USP10: variants seen among roughly 807,000 people sequenced by gnomAD.
USP10 encodes the protein ubiquitin specific peptidase 10.
Under a neutral mutation model 84.5 loss-of-function variants are expected in USP10, and 22 were observed. That is an observed-to-expected ratio of 0.26 (90% CI 0.19 to 0.37). The LOEUF (loss-of-function observed/expected upper bound fraction) is 0.37. USP10 is among the 10% of genes least tolerant of loss of function. USP10 has a pLI of 1.00. For missense variants in USP10, 1,019 were observed against 998.9 expected (o/e 1.02, Z -0.27); for synonymous variants, 454 against 387.6 (o/e 1.17, Z -2.01).
At chr16:84,717,570 C>G (rs1053874616) in intron 1 of USP10, among the ~76,000 whole-genome samples, 2 of 152,148 alleles carry the variant, frequency 1.3e-5, no homozygotes, top group Admixed American at 6.5e-5. Context: ...GTGAGCCATT[C>G]TGTCAGCATT....
intron 4 of USP10, among the ~76,000 whole-genome samples, chr16:84,749,491 G>A (rs757956579): frequency 6.6e-6 from 1 of 152,014 alleles, no homozygotes; most frequent in African/African-American, 2.4e-5. Context: ...AGGCATGATA[G>A]TGTGGAGATT....
chr16:84,720,809 C>T (rs1377135922), intron 1 of USP10, among the ~76,000 whole-genome samples: 1 of 150,666 alleles, frequency 6.6e-6, no homozygotes, highest in Non-Finnish European at 1.5e-5. Context: ...GTCTCGATCT[C>T]CTGACCTCAT....
intron 2 of USP10, among the ~76,000 whole-genome samples, chr16:84,735,036 T>C (rs1407285839): frequency 1.3e-5 from 2 of 152,134 alleles, no homozygotes; most frequent in Non-Finnish European, 2.9e-5. Context: ...TTTTCTTTTC[T>C]TTTCTTTTTT....
At chr16:84,763,813 A>T (rs1913493525) in intron 9 of USP10, among the ~76,000 whole-genome samples, 1 of 150,898 alleles carries the variant, frequency 6.6e-6, no homozygotes, top group Non-Finnish European at 1.5e-5. Context: ...GTTGCCGTGG[A>T]TCCAGTGACG....
chr16:84,762,285 T>C (rs1913295662), intron 8 of USP10, among the ~76,000 whole-genome samples: 1 of 152,248 alleles, frequency 6.6e-6, no homozygotes, highest in African/African-American at 2.4e-5. Flanking sequence ...AGCTCATTGC[T>C]CGAGTGGTGA....
chr16:84,760,962 A>G (rs949786455), intron 8 of USP10, among the ~76,000 whole-genome samples: 1 of 152,206 alleles, frequency 6.6e-6, no homozygotes, highest in East Asian at 1.9e-4. Context: ...AGTCAAGTTT[A>G]CTTGAAGCTT....
chr16:84,725,614 GT>G (rs1275334280), intron 1 of USP10, among the ~76,000 whole-genome samples: 1 of 151,940 alleles, frequency 6.6e-6, no homozygotes, highest in East Asian at 1.9e-4. Flanking sequence ...CATGTTGGCA[GT>G]CTGTTCTCTG....
chr16:84,775,137 G>A (rs1248713641), intron 12 of USP10, 23 bp from the exon 13 acceptor site: 1 of 1,611,912 alleles, frequency 6.2e-7, no homozygotes, highest in Admixed American at 1.7e-5. Flanking sequence ...AGTGCTTCAA[G>A]CCATTGATAT....
chr16:84,756,130 G>T, intron 4 of USP10, among the ~76,000 whole-genome samples: 1 of 139,470 alleles, frequency 7.2e-6, no homozygotes, highest in Non-Finnish European at 1.5e-5. Flanking sequence ...AGCTTAGCCT[G>T]TACAGTGTGT....
At chr16:84,700,320 C>T (rs1383533964) in intron 1 of USP10, among the ~76,000 whole-genome samples, 1 of 152,012 alleles carries the variant, frequency 6.6e-6, no homozygotes, top group African/African-American at 2.4e-5. Flanking sequence ...ACCCCCTAGT[C>T]CCGGGGAGGT....
In USP10 at chr16:84,763,190, C is replaced by A. The variant is rs552337384; in HGVS notation, c.1654+102C>A. The A allele has an allele frequency of 1.1e-5, 7 of 614,662 alleles. No individual in the cohort carries two copies. The Admixed American group carries it at 1.8e-4, about 16-fold the overall frequency. The allele number at this position is 614,662 out of a possible 1,614,324, so 38.1% of individuals were successfully genotyped here. On this transcript the variant is annotated intron_variant, in intron 9 of 13. Coordinates refer to ENST00000219473, the MANE Select transcript of USP10 (RefSeq NM_005153.3). Reference sequence around the variant, plus strand: ...TGCTTCCCTGCCCCTCAGTCGTTTTCCTTTCAAATAGCATTTATTCCCTAC... The same window carrying A: ...TGCTTCCCTGCCCCTCAGTCGTTTTACTTTCAAATAGCATTTATTCCCTAC...
rs866868654 is a variant in USP10 at position 84,772,770 on chromosome 16, G to A, written c.2143+85G>A. On this transcript the variant is annotated intron_variant, in intron 12 of 13. Transcript: ENST00000219473. ...CAACCCTGTAGCATTTCTTTATGAT[G>A]TCAAGAGTGAGGACATTCTCTTGCT... is the stretch of plus-strand genomic sequence containing the variant. 3.3e-6 allele frequency: 5 copies of A among 1,525,454 alleles called. No individual in the cohort carries two copies. The Middle Eastern group carries it at 8.7e-4, about 264-fold the overall frequency. The allele number at this position is 1,525,454 out of a possible 1,614,324, so 94.5% of individuals were successfully genotyped here.
Position 84,779,347 on chromosome 16 carries a change from T to C in USP10, c.*265T>C, listed in dbSNP as rs1915340873. 3 of 299,778 alleles carry C rather than the reference T, an allele frequency of 1.0e-5. No homozygotes were observed. Among genetic ancestry groups the C allele is most frequent in the Non-Finnish European group, 1.9e-5 (3 of 161,688 alleles). 18.6% of individuals were successfully genotyped at this position (299,778 alleles called of 1,614,324 possible). On this transcript the variant is annotated 3_prime_UTR_variant, in exon 14 of 14. Coordinates refer to ENST00000219473, the MANE Select transcript of USP10 (RefSeq NM_005153.3). ...AAAACCCATATTTCTGAAATAATGCTGATTCCTGAGATAAGAAAGTGGATT... is the reference window on the plus strand; with the variant it reads ...AAAACCCATATTTCTGAAATAATGCCGATTCCTGAGATAAGAAAGTGGATT...
intron 1 of USP10, among the ~76,000 whole-genome samples, chr16:84,723,086 G>T (rs763135802): frequency 2.0e-5 from 3 of 151,896 alleles, no homozygotes; most frequent in Non-Finnish European, 4.4e-5. Flanking sequence ...ATGGGGGGTG[G>T]GGAATAAAGT....
chr16:84,755,109 C>T (rs541978617), intron 4 of USP10, among the ~76,000 whole-genome samples: 1 of 151,370 alleles, frequency 6.6e-6, no homozygotes, highest in African/African-American at 2.4e-5. Flanking sequence ...GTTTTTGAGT[C>T]TGTTCGAACG....
intron 5 of USP10, 68 bp downstream of exon 5, chr16:84,758,875 C>A: frequency 8.9e-7 from 1 of 1,123,242 alleles, no homozygotes; most frequent in Non-Finnish European, 1.4e-6. Flanking sequence ...GTGCATGTGA[C>A]TTAGCTCAGC....
At chr16:84,700,554 T>A (rs1904724413) in intron 1 of USP10, among the ~76,000 whole-genome samples, 1 of 152,102 alleles carries the variant, frequency 6.6e-6, no homozygotes, top group Non-Finnish European at 1.5e-5. Context: ...CCTCAGAGAT[T>A]TGGGGGTGCC....
At chr16:84,730,755 A>G (rs768026965) in intron 1 of USP10, among the ~76,000 whole-genome samples, 1 of 152,204 alleles carries the variant, frequency 6.6e-6, no homozygotes, top group Non-Finnish European at 1.5e-5. Context: ...TTTAGGCTGT[A>G]TATGAACTGA....
intron 2 of USP10, 24 bp downstream of exon 2, chr16:84,733,527 G>A (rs1393245794): frequency 6.6e-7 from 1 of 1,524,578 alleles, no homozygotes; most frequent in Non-Finnish European, 9.0e-7. Flanking sequence ...TTGTTTTAGT[G>A]AGTCCGTGGG....
Sources: allele counts gnomAD v4.1 joint callset (sites outside exome capture counted in the v4.1 genomes callset), GRCh38; gene constraint gnomAD v4.1.1; transcripts MANE v1.5; gene names NCBI Gene and HGNC (gene_info 2026-07-23, HGNC 2026-07-21).